CPQ: variants seen among roughly 807,000 people sequenced by gnomAD.
CPQ encodes the protein Ser-Met dipeptidase.
Under a neutral mutation model 45.7 loss-of-function variants are expected in CPQ, and 37 were observed. The ratio of observed to expected loss-of-function variants is 0.81; its 90% CI spans 0.62 to 1.07. The LOEUF is 1.07. CPQ is among the 50% of genes least tolerant of loss of function. CPQ has a pLI of 0.00. For missense variants in CPQ, 537 were observed against 572.9 expected, an observed-to-expected ratio of 0.94 and a Z score of 0.64; for synonymous variants, 186 against 205.8, an observed-to-expected ratio of 0.90 and a Z score of 0.82.
chr8:97,055,075 T>C (rs759135077), intron 6 of CPQ, among the ~76,000 whole-genome samples: 69 of 152,230 alleles, frequency 4.5e-4, no homozygotes, highest in Non-Finnish European at 7.2e-4. Flanking sequence ...AAGCTCAGCT[T>C]CTATGTTTTC....
intron 1 of CPQ, among the ~76,000 whole-genome samples, chr8:96,742,517 T>C (rs1586382446): frequency 6.6e-6 from 1 of 152,146 alleles, no homozygotes; most frequent in African/African-American, 2.4e-5. Flanking sequence ...ATCCTGTCAT[T>C]ATGATGTTAG....
intron 6 of CPQ, among the ~76,000 whole-genome samples, chr8:97,042,303 T>A (rs1810142575): frequency 6.6e-6 from 1 of 152,002 alleles, no homozygotes; most frequent in Non-Finnish European, 1.5e-5. Context: ...CTGATGGTAG[T>A]TTGTATTTCT....
chr8:97,116,630 G>A (rs1811598880), intron 7 of CPQ, among the ~76,000 whole-genome samples: 2 of 152,194 alleles, frequency 1.3e-5, no homozygotes, highest in African/African-American at 4.8e-5. Flanking sequence ...TTAACTTTCT[G>A]CAAGGCAGAG....
intron 1 of CPQ, among the ~76,000 whole-genome samples, chr8:96,666,567 G>T (rs1483518286): frequency 6.6e-6 from 1 of 151,974 alleles, no homozygotes; most frequent in East Asian, 1.9e-4. Context: ...CTACCCTAAA[G>T]AAAATAAAGC....
At chr8:96,710,676 AT>A (rs1245433871) in intron 1 of CPQ, among the ~76,000 whole-genome samples, 1 of 152,050 alleles carries the variant, frequency 6.6e-6, no homozygotes, top group Non-Finnish European at 1.5e-5. Context: ...TTTGAAGTTG[AT>A]TTCTAGTTTT....
rs369831003 is a variant in CPQ, at chr8:96,784,925, G to A, written c.28G>A (p.Gly10Ser). ...GAAATTCCTTATCTTCGCATTTTTC[G>A]GTGGTGTTCACCTTTTATCCCTGTG... MKFLIFAFF[G>S]GVHLLSLCSG... The change falls in exon 2 of 8, where the codon GGT becomes AGT. Residue 10 changes from glycine to serine, a missense_variant. Gly to Ser is a moderately conservative substitution (Grantham distance 56). Transcript: ENST00000220763. The A allele has an allele frequency of 1.5e-5, 24 of 1,603,300 alleles. No individual in the cohort carries two copies. Among genetic ancestry groups the A allele is most frequent in the Admixed American group, 8.7e-5 (5 of 57,384 alleles).
intron 7 of CPQ, among the ~76,000 whole-genome samples, chr8:97,140,946 G>C (rs1812149813): frequency 1.3e-5 from 2 of 152,058 alleles, no homozygotes; most frequent in South Asian, 4.2e-4. Flanking sequence ...GATCAGTGGA[G>C]AAAGAGGATG....
At chr8:96,784,394 T>C (rs1287524556) in intron 1 of CPQ, among the ~76,000 whole-genome samples, 1 of 138,880 alleles carries the variant, frequency 7.2e-6, no homozygotes, top group Non-Finnish European at 1.5e-5. Flanking sequence ...ATTATTGTTC[T>C]GAGGTGGGGG....
At chr8:96,899,434 CTG>C (rs1169347582) in intron 4 of CPQ, among the ~76,000 whole-genome samples, 2 of 152,126 alleles carry the variant, frequency 1.3e-5, no homozygotes, top group African/African-American at 4.8e-5. Flanking sequence ...ATACATCAGA[CTG>C]TGTAATTTAT....
chr8:96,675,133 A>G (rs1320307191), intron 1 of CPQ, among the ~76,000 whole-genome samples: 1 of 152,086 alleles, frequency 6.6e-6, no homozygotes, highest in Non-Finnish European at 1.5e-5. Flanking sequence ...GGTAATATAT[A>G]CAAGTGGAAC....
chr8:96,879,733 G>T, intron 3 of CPQ, 65 bp from the exon 4 acceptor site: 1 of 1,164,572 alleles, frequency 8.6e-7, no homozygotes, highest in Non-Finnish European at 1.3e-6. Flanking sequence ...ATATACAGGT[G>T]CTTTCAAAAA....
intron 5 of CPQ, among the ~76,000 whole-genome samples, chr8:97,011,945 G>GCT (rs1809492869): frequency 6.6e-6 from 1 of 151,772 alleles, no homozygotes; most frequent in South Asian, 2.1e-4. Flanking sequence ...CAGTGTGCGC[G>GCT]CTCTCTCTCT....
chr8:96,818,670 T>C (rs1811260948), intron 2 of CPQ, among the ~76,000 whole-genome samples: 1 of 152,060 alleles, frequency 6.6e-6, no homozygotes, highest in East Asian at 1.9e-4. Flanking sequence ...TCAGTAGAAG[T>C]AGGGTGGCCA....
chr8:96,952,238 G>C (rs1483886890), intron 4 of CPQ, among the ~76,000 whole-genome samples: 2 of 152,140 alleles, frequency 1.3e-5, no homozygotes, highest in Non-Finnish European at 2.9e-5. Context: ...AGAGGGATAT[G>C]ATTGAAATAG....
intron 1 of CPQ, among the ~76,000 whole-genome samples, chr8:96,705,057 A>C (rs1809515130): frequency 6.6e-6 from 1 of 152,174 alleles, no homozygotes; most frequent in Admixed American, 6.5e-5. Flanking sequence ...CTAATCTTTG[A>C]GGAACTTCCT....
At chr8:97,058,460 T>C (rs916682165) in intron 6 of CPQ, among the ~76,000 whole-genome samples, 4 of 152,194 alleles carry the variant, frequency 2.6e-5, no homozygotes, top group African/African-American at 7.2e-5. Context: ...TCTTTATGTG[T>C]TGGTTTATTT....
intron 1 of CPQ, among the ~76,000 whole-genome samples, chr8:96,782,040 G>A (rs531102611): frequency 3.3e-5 from 5 of 152,136 alleles, no homozygotes; most frequent in Non-Finnish European, 7.4e-5. Flanking sequence ...CTGGAACGTT[G>A]GAGTCTTATG....
chr8:96,984,498 C>T (rs1813969341), intron 5 of CPQ, among the ~76,000 whole-genome samples: 1 of 152,148 alleles, frequency 6.6e-6, no homozygotes, highest in South Asian at 2.1e-4. Context: ...GACAGTTTCT[C>T]CCCTCTGGAA....
intron 1 of CPQ, among the ~76,000 whole-genome samples, chr8:96,662,902 T>G (rs1327074516): frequency 1.3e-5 from 2 of 152,120 alleles, no homozygotes; most frequent in African/African-American, 4.8e-5. Flanking sequence ...GCGGCAGGAT[T>G]ACCTGAGCCC....
Sources: gnomAD v4.1 joint callset for allele counts (sites outside exome capture counted in the v4.1 genomes callset) on GRCh38, gnomAD v4.1.1 for gene constraint, MANE v1.5 for transcripts, NCBI Gene and HGNC (gene_info 2026-07-23, HGNC 2026-07-21) for gene names.